Variants in SYNPR observed in about 807,000 individuals in gnomAD.
SYNPR encodes synaptoporin.
Under a neutral mutation model 32.9 loss-of-function variants are expected in SYNPR, and 23 were observed. That is an observed-to-expected ratio of 0.70 (90% CI 0.50 to 0.99). The LOEUF (loss-of-function observed/expected upper bound fraction) is 0.99. Ranked by LOEUF, SYNPR falls within the 50% of genes least tolerant of loss-of-function variation. The pLI, the probability that SYNPR is intolerant of heterozygous loss-of-function variation, is 0.00. For missense variants in SYNPR, 318 were observed against 349.3 expected (o/e 0.91, Z 0.71); for synonymous variants, 146 against 135.9 (o/e 1.07, Z -0.52).
At chr3:63,239,647 T>C (rs1219205506) in intron 1 of SYNPR, among the ~76,000 whole-genome samples, 3 of 151,684 alleles carry the variant, frequency 2.0e-5, no homozygotes, top group South Asian at 2.1e-4. Context: ...CATCCTACCA[T>C]TGTCATGTGT....
At chr3:63,318,907 G>T (rs2087074721) in intron 2 of SYNPR, among the ~76,000 whole-genome samples, 1 of 151,996 alleles carries the variant, frequency 6.6e-6, no homozygotes, top group Non-Finnish European at 1.5e-5. Flanking sequence ...GGGAAGATCT[G>T]GGGCTGAAGG....
At chr3:63,249,836 T>C (rs772320079) in intron 1 of SYNPR, among the ~76,000 whole-genome samples, 3 of 152,160 alleles carry the variant, frequency 2.0e-5, no homozygotes, top group Non-Finnish European at 4.4e-5. Flanking sequence ...TCAGCTGGTA[T>C]ATTGATTGCA....
chr3:63,399,335 G>A (rs2088258932), intron 2 of SYNPR, among the ~76,000 whole-genome samples: 1 of 152,218 alleles, frequency 6.6e-6, no homozygotes, highest in East Asian at 1.9e-4. Flanking sequence ...ACCTGGTACT[G>A]TGCCTGTATT....
intron 3 of SYNPR, among the ~76,000 whole-genome samples, chr3:63,546,440 A>ATTTTCAT (rs149837744): frequency 0.024 from 3,714 of 152,184 alleles, 136 homozygotes; most frequent in African/African-American, 0.077. Flanking sequence ...TACACTTTCA[A>ATTTTCAT]TAAGTTGGAT....
At chr3:63,424,640 T>C (rs969897860) in intron 2 of SYNPR, among the ~76,000 whole-genome samples, 1 of 152,018 alleles carries the variant, frequency 6.6e-6, no homozygotes, top group Non-Finnish European at 1.5e-5. Flanking sequence ...CCTTCCGGAT[T>C]AAAAAAAATA....
At chr3:63,240,089 CT>C (rs1324170624) in intron 1 of SYNPR, among the ~76,000 whole-genome samples, 20 of 152,144 alleles carry the variant, frequency 1.3e-4, no homozygotes, top group African/African-American at 4.8e-4. Context: ...CCTTTCTTCC[CT>C]TTGTATCTTA....
intron 2 of SYNPR, among the ~76,000 whole-genome samples, chr3:63,311,631 C>T (rs563474821): frequency 1.0e-3 from 155 of 152,074 alleles, no homozygotes; most frequent in Non-Finnish European, 1.6e-3. Context: ...TGAAACCAGT[C>T]CCTGGTGCCA....
intron 4 of SYNPR, among the ~76,000 whole-genome samples, chr3:63,559,826 T>C (rs1446240999): frequency 2.0e-5 from 3 of 152,048 alleles, no homozygotes; most frequent in Admixed American, 6.6e-5. Flanking sequence ...ACCTAAGAGA[T>C]TGTAATGCAT....
intron 2 of SYNPR, among the ~76,000 whole-genome samples, chr3:63,476,557 G>C (rs540749708): frequency 6.6e-6 from 1 of 152,270 alleles, no homozygotes; most frequent in Admixed American, 6.5e-5. Flanking sequence ...ATTTCTGGGT[G>C]AAGAAGACTG....
intron 2 of SYNPR, among the ~76,000 whole-genome samples, chr3:63,430,720 C>T (rs1412162754): frequency 6.6e-6 from 1 of 152,110 alleles, no homozygotes; most frequent in Non-Finnish European, 1.5e-5. Flanking sequence ...GACCTAGATT[C>T]AGAGCTTATT....
At position 63,615,728 on chromosome 3, in the gene SYNPR, T is replaced by A. The variant is rs1343652783; in HGVS notation, c.*247T>A. The A allele has an allele frequency of 2.4e-6, 1 of 410,640 alleles. No homozygotes were observed. Among genetic ancestry groups the A allele is most frequent in the Non-Finnish European group, 4.3e-6 (1 of 233,350 alleles). 25.4% of individuals were successfully genotyped at this position (410,640 alleles called of 1,614,324 possible). A position where few individuals can be genotyped will look rare whatever the true frequency, so the allele number is the denominator to read the frequency against. On this transcript the variant is annotated 3_prime_UTR_variant, in exon 6 of 6. Transcript: ENST00000478300. ...GAGAGTACCTTGTTATATATACAGA[T>A]ACTTTCATGGTCATTTTGTATGTAT... is the stretch of plus-strand genomic sequence containing the variant.
intron 4 of SYNPR, among the ~76,000 whole-genome samples, chr3:63,565,489 G>A (rs538081782): frequency 1.1e-4 from 16 of 152,274 alleles, no homozygotes; most frequent in East Asian, 3.9e-4. Context: ...GAAGAGAAAC[G>A]GAGCAGAACA....
chr3:63,278,350 C>T lies in SYNPR; in HGVS notation c.-184C>T. On this transcript the variant is annotated 5_prime_UTR_variant, in exon 1 of 6. Coordinates refer to ENST00000478300, the MANE Select transcript of SYNPR (RefSeq NM_001130003.2). ...TTCGCTTCCCCGACGCGCTGGGTTC[C>T]CGGAGCGCAGAGCCCAGCGTTAGCG... is the stretch of plus-strand genomic sequence containing the variant. 3 of 715,020 alleles carry T rather than the reference C, an allele frequency of 4.2e-6. No homozygotes were observed. The South Asian group carries it at 7.1e-5, about 17-fold the overall frequency. 44.3% of individuals were successfully genotyped at this position (715,020 alleles called of 1,614,324 possible).
intron 3 of SYNPR, among the ~76,000 whole-genome samples, chr3:63,518,654 CAG>C (rs1701844743): frequency 1.3e-5 from 2 of 152,150 alleles, no homozygotes; most frequent in Admixed American, 1.3e-4. Context: ...GCTGAACACT[CAG>C]AGAACACATA....
chr3:63,325,769 T>C (rs1340453265), intron 2 of SYNPR, among the ~76,000 whole-genome samples: 1 of 152,052 alleles, frequency 6.6e-6, no homozygotes, highest in Non-Finnish European at 1.5e-5. Context: ...TCCACACAGC[T>C]GACATCTGAC....
Position 63,502,938 on chromosome 3 carries a change from C to A in SYNPR, c.209+21982C>A, listed in dbSNP as rs532598989. 9.2e-5 allele frequency among the ~76,000 whole-genome samples: 14 copies of A among 152,248 alleles called. No homozygotes were observed. The East Asian group carries it at 2.3e-3, about 25-fold the overall frequency. ...ATGAATGAAGCTACTATAAACATCTCTATGCAGATTTTCATGTGGACATAA... is the reference window on the plus strand; with the variant it reads ...ATGAATGAAGCTACTATAAACATCTATATGCAGATTTTCATGTGGACATAA... On this transcript the variant is annotated intron_variant, in intron 3 of 5. Transcript: ENST00000478300.
chr3:63,487,083 A>G (rs1420797469), intron 3 of SYNPR, among the ~76,000 whole-genome samples: 1 of 152,174 alleles, frequency 6.6e-6, no homozygotes, highest in African/African-American at 2.4e-5. Flanking sequence ...AACTACAAAA[A>G]CTAGTTATAT....
intron 2 of SYNPR, among the ~76,000 whole-genome samples, chr3:63,300,528 T>A (rs1056121270): frequency 6.6e-6 from 1 of 152,068 alleles, no homozygotes; most frequent in African/African-American, 2.4e-5. Flanking sequence ...CTGCATAGCC[T>A]TTTCTCCCTC....
intron 4 of SYNPR, among the ~76,000 whole-genome samples, chr3:63,559,496 G>T (rs1702648482): frequency 6.6e-6 from 1 of 152,106 alleles, no homozygotes; most frequent in South Asian, 2.1e-4. Context: ...TTATTTTAGG[G>T]AGTATGTGAG....
Sources: gnomAD v4.1 joint callset for allele counts (sites outside exome capture counted in the v4.1 genomes callset) on GRCh38, gnomAD v4.1.1 for gene constraint, MANE v1.5 for transcripts, NCBI Gene and HGNC (gene_info 2026-07-23, HGNC 2026-07-21) for gene names.